CTNNA2: variants seen among roughly 807,000 people sequenced by gnomAD.
CTNNA2 encodes catenin alpha 2.
Under a neutral mutation model 101.0 loss-of-function variants are expected in CTNNA2, and 42 were observed. That is an observed-to-expected ratio of 0.42 (90% confidence interval 0.32 to 0.54). The LOEUF is 0.54. Ranked by LOEUF, CTNNA2 falls within the 20% of genes least tolerant of loss-of-function variation. The pLI, the probability that CTNNA2 is intolerant of heterozygous loss-of-function variation, is 0.14. For synonymous variants in CTNNA2, 450 were observed against 456.4 expected (o/e 0.99, Z 0.18); for missense variants, 871 against 1,223.1 (o/e 0.71, Z 4.29).
chr2:79,810,150 T>C (rs994599527), intron 3 of CTNNA2, among the ~76,000 whole-genome samples: 1 of 152,098 alleles, frequency 6.6e-6, no homozygotes, highest in Admixed American at 6.6e-5. Flanking sequence ...TCTGTGTTAG[T>C]CCGTTTTCAT....
chr2:80,112,388 A>T (rs920821623), intron 7 of CTNNA2, among the ~76,000 whole-genome samples: 7 of 152,208 alleles, frequency 4.6e-5, no homozygotes, highest in Non-Finnish European at 7.3e-5. Context: ...TATTTATATT[A>T]CTATTTGACC....
chr2:80,367,946 T>TTTGC (rs1675087996), intron 7 of CTNNA2, among the ~76,000 whole-genome samples: 3 of 152,114 alleles, frequency 2.0e-5, no homozygotes, highest in Non-Finnish European at 4.4e-5. Context: ...GGCAGTTGAG[T>TTTGC]TCCAAGATGT....
At chr2:80,297,192 G>C (rs766869451) in intron 7 of CTNNA2, among the ~76,000 whole-genome samples, 13 of 152,198 alleles carry the variant, frequency 8.5e-5, no homozygotes, top group Non-Finnish European at 1.8e-4. Context: ...AATGTGTTGA[G>C]CATGTATCCT....
chr2:79,952,365 G>A (rs996507111), intron 7 of CTNNA2, among the ~76,000 whole-genome samples: 2 of 152,078 alleles, frequency 1.3e-5, no homozygotes, highest in African/African-American at 4.8e-5. Flanking sequence ...GCACAGGGAT[G>A]GACAGACACT....
At chr2:80,359,377 G>T (rs541899816) in intron 7 of CTNNA2, among the ~76,000 whole-genome samples, 2 of 152,264 alleles carry the variant, frequency 1.3e-5, no homozygotes, top group South Asian at 4.1e-4. Flanking sequence ...TGTCTGATAT[G>T]GTTTGGATCT....
intron 7 of CTNNA2, among the ~76,000 whole-genome samples, chr2:80,104,215 C>A (rs565768308): frequency 6.6e-6 from 1 of 152,200 alleles, no homozygotes; most frequent in African/African-American, 2.4e-5. Context: ...AGTTGGTTCT[C>A]CACTCGAATC....
chr2:80,191,771 A>AC (rs1706521556), intron 7 of CTNNA2, among the ~76,000 whole-genome samples: 2 of 152,240 alleles, frequency 1.3e-5, no homozygotes, highest in South Asian at 4.1e-4. Context: ...ACTGCAGTGT[A>AC]AATGATGGTG....
intron 9 of CTNNA2, among the ~76,000 whole-genome samples, chr2:80,476,262 A>G (rs1685722439): frequency 6.6e-6 from 1 of 152,136 alleles, no homozygotes; most frequent in Admixed American, 6.6e-5. Context: ...ACACTCTCTC[A>G]TGTTCATGTC....
At chr2:80,355,428 A>G (rs538953858) in intron 7 of CTNNA2, among the ~76,000 whole-genome samples, 1 of 152,238 alleles carries the variant, frequency 6.6e-6, no homozygotes, top group South Asian at 2.1e-4. Context: ...TTCCTTTGTG[A>G]TGATGAGGAT....
chr2:79,294,190 A>G (rs1675908343), intron 2 of CTNNA2, among the ~76,000 whole-genome samples: 1 of 148,592 alleles, frequency 6.7e-6, no homozygotes, highest in Admixed American at 6.7e-5. Context: ...AGAGAGAAAG[A>G]GAGAGAGAGA....
chr2:79,835,796 C>A, intron 3 of CTNNA2, among the ~76,000 whole-genome samples: 1 of 140,054 alleles, frequency 7.1e-6, no homozygotes, highest in Non-Finnish European at 1.5e-5. Flanking sequence ...CCATACCCAG[C>A]TAATTTTTGT....
chr2:79,792,149 T>C (rs1300133717), intron 3 of CTNNA2, among the ~76,000 whole-genome samples: 3 of 152,104 alleles, frequency 2.0e-5, no homozygotes, highest in African/African-American at 7.2e-5. Flanking sequence ...GACTGGTATG[T>C]TCTCTGCTTT....
chr2:80,185,661 G>A (rs1364675979), intron 7 of CTNNA2, among the ~76,000 whole-genome samples: 1 of 152,162 alleles, frequency 6.6e-6, no homozygotes, highest in Non-Finnish European at 1.5e-5. Context: ...TCTCAATCCT[G>A]TTTGTTCGGT....
chr2:79,639,239 C>G (rs1680283182), intron 1 of CTNNA2, among the ~76,000 whole-genome samples: 1 of 152,184 alleles, frequency 6.6e-6, no homozygotes, highest in African/African-American at 2.4e-5. Flanking sequence ...CAGAACAAAG[C>G]TCATCTCTCT....
At chr2:79,306,877 A>C (rs1676260286) in intron 2 of CTNNA2, among the ~76,000 whole-genome samples, 1 of 152,204 alleles carries the variant, frequency 6.6e-6, no homozygotes, top group African/African-American at 2.4e-5. Context: ...TAATGAGATA[A>C]GACATCTCTA....
In CTNNA2 at chr2:79,833,662, T is replaced by C. The variant is rs1679093272; in HGVS notation, c.299-24351T>C. Among the ~76,000 whole-genome samples the C allele has an allele frequency of 3.3e-5, 5 of 152,204 alleles. No individual in the cohort carries two copies. The South Asian group carries it at 8.3e-4, about 25-fold the overall frequency. ...CAATGTACTCATACTGGTACATCAC[T>C]ATATCATCATGTTATTGCCAAATAG... On this transcript the variant is annotated intron_variant, in intron 3 of 18. Coordinates refer to ENST00000402739, the MANE Select transcript of CTNNA2 (RefSeq NM_001282597.3).
intron 1 of CTNNA2, chr2:79,575,478 T>C (rs1253830134): frequency 6.6e-6 from 1 of 152,098 alleles, no homozygotes; most frequent in Non-Finnish European, 1.5e-5. Flanking sequence ...ATACTTTTGA[T>C]CTCGTTGCTA....
intron 2 of CTNNA2, among the ~76,000 whole-genome samples, chr2:79,259,804 CA>C (rs1002511084): frequency 6.6e-6 from 1 of 152,086 alleles, no homozygotes; most frequent in Non-Finnish European, 1.5e-5. Flanking sequence ...ACAAAAGAAC[CA>C]AAACACTCTG....
At chr2:80,588,724 G>A (rs1696182848) in intron 14 of CTNNA2, among the ~76,000 whole-genome samples, 1 of 152,136 alleles carries the variant, frequency 6.6e-6, no homozygotes, top group Admixed American at 6.5e-5. Flanking sequence ...TAAAGGAGAT[G>A]GGGGAGGGCT....
Sources: allele counts gnomAD v4.1 joint callset (sites outside exome capture counted in the v4.1 genomes callset), GRCh38; gene constraint gnomAD v4.1.1; transcripts MANE v1.5; gene names NCBI Gene and HGNC (gene_info 2026-07-23, HGNC 2026-07-21).